Variants in PARD3B observed in about 807,000 individuals in gnomAD.
PARD3B encodes the protein partitioning defective 3 homolog B.
A neutral mutation model predicts 130.2 loss-of-function variants in PARD3B; 103 were observed. The observed-to-expected ratio is 0.79, with a 90% CI of 0.67 to 0.93. The LOEUF is 0.93. Ranked by LOEUF, PARD3B falls within the 40% of genes least tolerant of loss-of-function variation. The pLI is 0.00. For missense variants in PARD3B, 1,609 were observed against 1,499.2 expected (o/e 1.07, Z -1.21); for synonymous variants, 583 against 553.2 (o/e 1.05, Z -0.76).
intron 2 of PARD3B, among the ~76,000 whole-genome samples, chr2:204,760,630 T>C (rs967223193): frequency 3.7e-4 from 57 of 152,124 alleles, no homozygotes; most frequent in African/African-American, 1.2e-3. Context: ...GGTTCATTAT[T>C]AAACTTATCT....
At chr2:205,423,364 G>A (rs796102473) in intron 19 of PARD3B, among the ~76,000 whole-genome samples, 7 of 152,280 alleles carry the variant, frequency 4.6e-5, no homozygotes, top group African/African-American at 1.4e-4. Flanking sequence ...CAGACCTGAC[G>A]GACAAGCCTG....
In PARD3B at chr2:205,590,640, C is replaced by T. The variant is rs2054354335; in HGVS notation, c.3261-24816C>T. Among the ~76,000 whole-genome samples, 1 of 152,114 alleles carries T rather than the reference C, an allele frequency of 6.6e-6. No homozygotes were observed. The highest frequency in any genetic ancestry group is 2.1e-4 in the South Asian group (1 of 4,812). On this transcript the variant is annotated intron_variant, in intron 22 of 22. Coordinates refer to ENST00000406610, the MANE Select transcript of PARD3B (RefSeq NM_001302769.2). This position sits in a 1 kb window ranked among gnomAD's most constrained non-coding sequence, Gnocchi z 4.1. ...GATTCCCAAAAGAACAGAAGGCTGT[C>T]ACCAGGATAAAGTAGGACAGATGCT...
At chr2:205,107,761 C>T (rs529930822) in intron 5 of PARD3B, among the ~76,000 whole-genome samples, 16 of 152,336 alleles carry the variant, frequency 1.1e-4, no homozygotes, top group Admixed American at 8.5e-4. Flanking sequence ...ATTTAAAAGA[C>T]ATTCTCCAAA....
At chr2:205,042,127 C>G (rs1698434263) in intron 3 of PARD3B, among the ~76,000 whole-genome samples, 2 of 152,148 alleles carry the variant, frequency 1.3e-5, no homozygotes, top group Non-Finnish European at 2.9e-5. Context: ...CTGCCACTTT[C>G]AAAATTGTTT....
chr2:204,625,076 A>G (rs1456923740), intron 1 of PARD3B, among the ~76,000 whole-genome samples: 1 of 151,866 alleles, frequency 6.6e-6, no homozygotes, highest in African/African-American at 2.4e-5. Context: ...TTTGTTTTCT[A>G]CGGTTGCATT....
At chr2:205,197,045 G>GTGTA (rs2036732094) in intron 15 of PARD3B, among the ~76,000 whole-genome samples, 1 of 150,038 alleles carries the variant, frequency 6.7e-6, no homozygotes, top group Non-Finnish European at 1.5e-5. Flanking sequence ...GTGTGTGTGT[G>GTGTA]TGTGTGTGTG....
intron 5 of PARD3B, among the ~76,000 whole-genome samples, chr2:205,113,027 C>T (rs578134873): frequency 2.6e-5 from 4 of 152,254 alleles, no homozygotes; most frequent in Admixed American, 6.5e-5. Context: ...TAATTCTGTG[C>T]TTTTTCTAAT....
Position 205,615,829 on chromosome 2 carries a change from G to C in PARD3B, c.*16G>C. The C allele has an allele frequency of 6.3e-7, 1 of 1,590,032 alleles. No homozygotes were observed. Among genetic ancestry groups the C allele is most frequent in the Non-Finnish European group, 8.6e-7 (1 of 1,164,908 alleles). On this transcript the variant is annotated 3_prime_UTR_variant, in exon 23 of 23. Transcript: ENST00000406610. ...AGCCGTATAGCTGAGTGCCACCGAG[G>C]CCAGCCCGGTCCAGAAAGGAAGGTG...
chr2:205,552,290 G>A (rs571344303), intron 21 of PARD3B, among the ~76,000 whole-genome samples: 2 of 131,096 alleles, frequency 1.5e-5, no homozygotes, highest in South Asian at 5.2e-4. Flanking sequence ...GTAAGAGAGA[G>A]AACTGAGGTT....
intron 4 of PARD3B, among the ~76,000 whole-genome samples, chr2:205,083,584 C>G (rs1319937164): frequency 6.6e-6 from 1 of 151,218 alleles, no homozygotes; most frequent in African/African-American, 2.4e-5. Context: ...TTACCATTGA[C>G]TTTTCTGTTT....
intron 2 of PARD3B, among the ~76,000 whole-genome samples, chr2:204,846,638 C>T (rs1164168757): frequency 6.6e-6 from 1 of 150,384 alleles, no homozygotes. Flanking sequence ...CTCTCTCTTT[C>T]CCCAGCTATG....
At chr2:204,995,275 T>G (rs375607430) in intron 3 of PARD3B, among the ~76,000 whole-genome samples, 8,787 of 151,016 alleles carry the variant, frequency 0.058, 317 homozygotes, top group African/African-American at 0.099. Flanking sequence ...GGGCAGGCCT[T>G]GTGGTGACAA....
At chr2:205,045,624 A>G (rs1041247321) in intron 3 of PARD3B, among the ~76,000 whole-genome samples, 1 of 152,086 alleles carries the variant, frequency 6.6e-6, no homozygotes, top group Non-Finnish European at 1.5e-5. Context: ...CTGATAGTGA[A>G]TGAGGACTCA....
At chr2:205,068,079 C>T (rs533261433) in intron 4 of PARD3B, among the ~76,000 whole-genome samples, 1 of 152,264 alleles carries the variant, frequency 6.6e-6, no homozygotes, top group South Asian at 2.1e-4. Flanking sequence ...CTCCCATTAT[C>T]TGAAGCAATT....
At chr2:204,641,706 T>C (rs2125153835) in intron 1 of PARD3B, among the ~76,000 whole-genome samples, 1 of 152,320 alleles carries the variant, frequency 6.6e-6, no homozygotes, top group East Asian at 1.9e-4. Flanking sequence ...GTCACTACGT[T>C]GTAATTACAG....
intron 2 of PARD3B, among the ~76,000 whole-genome samples, chr2:204,774,766 G>C (rs1015593189): frequency 2.0e-5 from 3 of 152,096 alleles, no homozygotes; most frequent in Non-Finnish European, 2.9e-5. Context: ...ATTGTGGTCT[G>C]TATTTCTAAG....
chr2:204,937,706 A>G (rs534568759), intron 2 of PARD3B, among the ~76,000 whole-genome samples: 1 of 152,314 alleles, frequency 6.6e-6, no homozygotes, highest in African/African-American at 2.4e-5. Context: ...CTCATTATGC[A>G]TATGGCTCCT....
chr2:204,554,882 T>C (rs2030808578), intron 1 of PARD3B, among the ~76,000 whole-genome samples: 1 of 152,194 alleles, frequency 6.6e-6, no homozygotes, highest in Non-Finnish European at 1.5e-5. Flanking sequence ...CCTTGGCTGG[T>C]GGCATCTGGA....
chr2:205,266,053 C>A (rs1437511363), intron 16 of PARD3B, among the ~76,000 whole-genome samples: 9 of 152,000 alleles, frequency 5.9e-5, no homozygotes, highest in African/African-American at 2.2e-4. Flanking sequence ...ATCACCAAAT[C>A]CTTGAAAAGA....
Sources: gnomAD v4.1 joint callset for allele counts (sites outside exome capture counted in the v4.1 genomes callset) on GRCh38, gnomAD v4.1.1 for gene constraint, Gnocchi (gnomAD v3.1) non-coding constraint, MANE v1.5 for transcripts, NCBI Gene and HGNC (gene_info 2026-07-23, HGNC 2026-07-21) for gene names.